Variants in RDX observed in about 807,000 individuals in gnomAD.
RDX encodes the protein radixin, also known as deafness, autosomal recessive 24.
A neutral mutation model predicts 83.7 loss-of-function variants in RDX; 32 were observed. The ratio of observed to expected loss-of-function variants is 0.38; its 90% CI spans 0.29 to 0.51. The LOEUF (loss-of-function observed/expected upper bound fraction) is 0.51, where lower values mean the gene tolerates loss of function less well. Among genes scored for constraint, RDX ranks in the 20% least tolerant of loss-of-function variants. RDX has a pLI of 0.87. For missense variants in RDX, 600 were observed against 689.9 expected, an observed-to-expected ratio of 0.87 and a Z score of 1.46; for synonymous variants, 229 against 222.7, an observed-to-expected ratio of 1.03 and a Z score of -0.25.
intron 2 of RDX, 39 bp from the exon 3 acceptor site, chr11:110,272,658 G>T: frequency 7.5e-7 from 1 of 1,333,378 alleles, no homozygotes; most frequent in Non-Finnish European, 1.1e-6. Context: ...TAGAAGAGAA[G>T]TTATTAGGCG....
intron 1 of RDX, among the ~76,000 whole-genome samples, chr11:110,295,881 G>A (rs1225301974): frequency 1.3e-5 from 2 of 152,174 alleles, no homozygotes; most frequent in African/African-American, 2.4e-5. Context: ...TGCGAGCGGC[G>A]GGAGCGACTG....
intron 14 of RDX, among the ~76,000 whole-genome samples, chr11:110,223,958 G>A (rs1333355860): frequency 1.3e-5 from 2 of 151,906 alleles, no homozygotes; most frequent in East Asian, 1.9e-4. Flanking sequence ...CCAGGAGGCC[G>A]AGGTTGTGGT....
At chr11:110,202,929 T>C (rs1863468109) in intron 14 of RDX, among the ~76,000 whole-genome samples, 1 of 152,118 alleles carries the variant, frequency 6.6e-6, no homozygotes, top group African/African-American at 2.4e-5. Context: ...TTGTACACTG[T>C]TGGTGAGACT....
intron 15 of RDX, chr11:110,179,852 C>T (rs1862846414): frequency 2.4e-6 from 1 of 418,670 alleles, no homozygotes; most frequent in East Asian, 7.1e-5. Context: ...GCCTCTAGGC[C>T]TCCCTGCAGT....
chr11:110,220,878 TAAAAA>T (rs386374875), intron 14 of RDX, among the ~76,000 whole-genome samples: 3 of 109,332 alleles, frequency 2.7e-5, no homozygotes, highest in Admixed American at 1.0e-4. Flanking sequence ...ACAGCCTCTG[TAAAAA>T]AAAAAAAAAA....
At chr11:110,222,664 C>T (rs920856325) in intron 14 of RDX, among the ~76,000 whole-genome samples, 1 of 152,046 alleles carries the variant, frequency 6.6e-6, no homozygotes, top group Non-Finnish European at 1.5e-5. Flanking sequence ...GGCATGGTGG[C>T]GGACGCCTGT....
intron 10 of RDX, among the ~76,000 whole-genome samples, chr11:110,242,845 G>A (rs1437092169): frequency 6.6e-6 from 1 of 151,882 alleles, no homozygotes; most frequent in East Asian, 1.9e-4. Context: ...TATGGCTCAT[G>A]GAGCAAACCC....
At chr11:110,225,190 T>A (rs910283604), downstream of RDX, among the ~76,000 whole-genome samples, 2 of 152,090 alleles carry the variant, frequency 1.3e-5, no homozygotes, top group Non-Finnish European at 2.9e-5. Context: ...CTATTTTTCC[T>A]CTTCAAAAAA....
chr11:110,215,362 C>CAAAAA (rs998888063), intron 14 of RDX, among the ~76,000 whole-genome samples: 3 of 125,810 alleles, frequency 2.4e-5, no homozygotes, highest in Admixed American at 8.4e-5. Flanking sequence ...GACTCCATCT[C>CAAAAA]AAAAAATAAA....
chr11:110,252,518 T>C (rs1445151736), intron 9 of RDX, among the ~76,000 whole-genome samples: 2 of 152,214 alleles, frequency 1.3e-5, no homozygotes, highest in African/African-American at 2.4e-5. Flanking sequence ...ATTCCTCATT[T>C]ATCTCATGCT....
At chr11:110,252,558 T>G (rs950853302) in intron 9 of RDX, among the ~76,000 whole-genome samples, 1 of 152,164 alleles carries the variant, frequency 6.6e-6, no homozygotes, top group Non-Finnish European at 1.5e-5. Context: ...GTGAAATCTT[T>G]AAGACGATTT....
At chr11:110,250,277 C>T (rs575385643) in intron 9 of RDX, among the ~76,000 whole-genome samples, 1 of 152,182 alleles carries the variant, frequency 6.6e-6, no homozygotes, top group East Asian at 1.9e-4. Flanking sequence ...AAGCACAGTA[C>T]TTTTCAAGTA....
rs746805998 is a variant in RDX, at chr11:110,241,284, TTTTC to T, written c.1091-3636_1091-3633del. 5.5e-4 allele frequency among the ~76,000 whole-genome samples: 84 copies of T among 152,028 alleles called. No homozygotes were observed. In the East Asian group the frequency reaches 0.013, roughly 24 times the overall value. ...AGATAATCAAGCTGGCCTATCAAACTTTTCTTTCTTTCTTTTTCTTTTTTTTATT... is the reference window on the plus strand; with the variant it reads ...AGATAATCAAGCTGGCCTATCAAACTTTTCTTTCTTTTTCTTTTTTTTATT... On this transcript the variant is annotated intron_variant, in intron 10 of 13. Coordinates refer to ENST00000645495, the MANE Select transcript of RDX (RefSeq NM_002906.4).
intron 3 of RDX, among the ~76,000 whole-genome samples, chr11:110,267,740 G>A (rs1860116712): frequency 2.0e-5 from 3 of 151,832 alleles, no homozygotes; most frequent in African/African-American, 7.3e-5. Flanking sequence ...AAGGCAGGAG[G>A]AGCTCAGGAG....
chr11:110,224,386 C>A (rs1401568617), intron 14 of RDX, among the ~76,000 whole-genome samples: 1 of 151,970 alleles, frequency 6.6e-6, no homozygotes, highest in Non-Finnish European at 1.5e-5. Flanking sequence ...TTCAAACATA[C>A]ACAGATATTA....
intron 9 of RDX, among the ~76,000 whole-genome samples, chr11:110,252,753 T>C (rs1489233309): frequency 3.3e-5 from 5 of 151,338 alleles, no homozygotes; most frequent in Non-Finnish European, 7.4e-5. Flanking sequence ...ACATAGCCCA[T>C]CAAAGTAACA....
At chr11:110,210,821 C>A (rs1332923067) in intron 14 of RDX, among the ~76,000 whole-genome samples, 2 of 152,030 alleles carry the variant, frequency 1.3e-5, no homozygotes, top group Admixed American at 1.3e-4. Flanking sequence ...GCCTGCCTTA[C>A]AAGAGCTCCT....
chr11:110,186,334 C>T (rs1012065112), intron 15 of RDX, among the ~76,000 whole-genome samples: 2 of 152,114 alleles, frequency 1.3e-5, no homozygotes, highest in Admixed American at 1.3e-4. Context: ...CAAGTATGTT[C>T]TGTTTCCTCA....
At chr11:110,232,062 TA>T (rs760393308) in intron 13 of RDX, 29 bp from the exon 14 acceptor site, 638 of 1,559,490 alleles carry the variant, frequency 4.1e-4, no homozygotes, top group Middle Eastern at 5.4e-4. Context: ...GTACAACTAT[TA>T]TTTTTTTCTT....
Sources: allele counts gnomAD v4.1 joint callset (sites outside exome capture counted in the v4.1 genomes callset), GRCh38; gene constraint gnomAD v4.1.1; transcripts MANE v1.5; gene names NCBI Gene and HGNC (gene_info 2026-07-23, HGNC 2026-07-21).